Variants in FAT2 observed in about 807,000 individuals in gnomAD.
The protein encoded by FAT2 is protocadherin Fat 2.
In FAT2, 150 loss-of-function variants were observed where a neutral mutation model predicts 295.3. That is an observed-to-expected ratio of 0.51 (90% confidence interval 0.44 to 0.58). The LOEUF is 0.58. Among genes scored for constraint, FAT2 ranks in the 20% least tolerant of loss-of-function variants. The probability of loss-of-function intolerance (pLI) is 0.00; values close to 1 mark genes in which losing one functional copy is unlikely to be tolerated. For missense variants in FAT2, 4,868 were observed against 5,442.7 expected (o/e 0.89, Z 3.32); for synonymous variants, 2,026 against 2,150.3 (o/e 0.94, Z 1.60).
rs373411098 is a variant in FAT2, at chr5:151,533,393, A to AAAACACACACAC, written c.9427+1015_9427+1016insGTGTGTGTGTTT. ...TATTCCACTTGCACTTGTTATCTCC[A>AAAACACACACAC]ACACACACACACACACACACACACA... On this transcript the variant is annotated intron_variant, in intron 13 of 23. Transcript: ENST00000261800. Among the ~76,000 whole-genome samples the AAAACACACACAC allele has an allele frequency of 2.6e-3, 339 of 132,166 alleles. 2 individuals carry two copies. Among genetic ancestry groups the AAAACACACACAC allele is most frequent in the East Asian group, 0.015 (65 of 4,266 alleles). The allele number at this position is 132,166 out of a possible 152,430, so 86.7% of individuals were successfully genotyped here.
Position 151,566,030 on chromosome 5 carries a change from C to G in FAT2, c.2902G>C (p.Ala968Pro). 1 of 1,614,114 alleles carries G rather than the reference C, an allele frequency of 6.2e-7. No individual in the cohort carries two copies. Among genetic ancestry groups the G allele is most frequent in the Non-Finnish European group, 8.5e-7 (1 of 1,180,026 alleles). Reference sequence around the variant, plus strand: ...AGGTCCACCCGGAAGGTCCCATGGGCGCCATCCATCAGAACATATCGCACT... The same window carrying G: ...AGGTCCACCCGGAAGGTCCCATGGGGGCCATCCATCAGAACATATCGCACT... ...GEVRYVLMDG[A>P]HGTFRVDLMT... The change falls in exon 2 of 24, where the codon GCC becomes CCC. Residue 968 changes from alanine (A) to proline (P), a missense_variant. Ala to Pro is a conservative substitution (Grantham distance 27). Around this residue, in one of 5 missense-constraint regions of FAT2, gnomAD observed 3,297 missense variants for 3,669.4 expected, o/e 0.90. Transcript: ENST00000261800.
intron 4 of FAT2, 62 bp from the exon 5 acceptor site, chr5:151,554,735 A>ACCC: frequency 7.9e-7 from 1 of 1,264,130 alleles, no homozygotes; most frequent in African/African-American, 1.6e-5. Flanking sequence ...ACTATGCTTT[A>ACCC]ACAACCTGGA....
chr5:151,566,462 C>T lies in FAT2; in HGVS notation c.2470G>A (p.Gly824Arg). Residue 824 changes from glycine to arginine, a missense_variant, in exon 2 of 24, where the codon GGG becomes AGG. Transcript: ENST00000261800. ...NDNAPRFPPG[G>R]YQLTISEDTE... ...TCCTCCGAGATGGTTAACTGGTACC[C>T]ACCGGGAGGAAATCTGGGTGCGTTG... The T allele has an allele frequency of 6.2e-7, 1 of 1,613,398 alleles. No homozygotes were observed. Among genetic ancestry groups the T allele is most frequent in the Non-Finnish European group, 8.5e-7 (1 of 1,179,696 alleles).
In FAT2 at chr5:151,531,363, G is replaced by T. The variant is rs56108114; in HGVS notation, c.9811+224C>A. Among the ~76,000 whole-genome samples the T allele has an allele frequency of 0.14, 21,904 of 152,152 alleles. 2,044 individuals carry two copies. The highest frequency in any genetic ancestry group is 0.2 in the Non-Finnish European group (13,410 of 67,962). ...GTCCTGGACACAGAGACCTGGCTGC[G>T]GACGTGGGAGGGTCCCGTTTAAGGG... On this transcript the variant is annotated intron_variant, in intron 14 of 23. Transcript: ENST00000261800. This position sits in a 1 kb window ranked among gnomAD's most constrained non-coding sequence, Gnocchi z 5.7.
chr5:151,582,617 A>G (rs776672944), intron 1 of FAT2, among the ~76,000 whole-genome samples: 4 of 152,146 alleles, frequency 2.6e-5, no homozygotes, highest in Non-Finnish European at 5.9e-5. Context: ...ACTCTCTACC[A>G]TGCCCCCTTT....
At position 151,543,184 on chromosome 5, in the gene FAT2, C is replaced by T. The variant is rs1298021265; in HGVS notation, c.7943G>A (p.Ser2648Asn). 2 of 1,614,204 alleles carry T rather than the reference C, an allele frequency of 1.2e-6. No individual in the cohort carries two copies. The highest frequency in any genetic ancestry group is 1.3e-5 in the African/African-American group (1 of 75,056). The change falls in exon 10 of 24, where the codon AGC becomes AAC. Residue 2648 changes from serine to asparagine, a missense_variant. Coordinates refer to ENST00000261800, the MANE Select transcript of FAT2 (RefSeq NM_001447.3). ...GGTCTGATTTTCCAATCCCACCAGG[C>T]TGTCTTTCACCTTGACCACACCAGT... The part of the protein sequence containing the change: ...PVTGVVKVKD[S>N]LVGLENQTLD...
Position 151,567,478 on chromosome 5 carries a change from C to T in FAT2, c.1454G>A (p.Arg485Gln), listed in dbSNP as rs149389038. 2.2e-5 allele frequency: 35 copies of T among 1,614,068 alleles called. No homozygotes were observed. The highest frequency in any genetic ancestry group is 6.6e-5 in the South Asian group (6 of 91,048). The stretch of plus-strand genomic sequence containing the variant: ...GACATATCCATTTTCCCCATGATCC[C>T]GGTCAGTGGCAGTCACAGCCAAAAC... ...TSVLAVTATD[R>Q]DHGENGYVTY... Residue 485 changes from arginine to glutamine, a missense_variant, in exon 2 of 24, where the codon CGG becomes CAG. Physicochemically the swap from Arg to Gln is conservative, Grantham distance 43. This residue lies in a region of FAT2 where 3,297 missense variants were observed against 3,669.4 expected (regional missense o/e 0.90). Transcript: ENST00000261800.
intron 4 of FAT2, among the ~76,000 whole-genome samples, chr5:151,555,768 C>G (rs111307052): frequency 8.1e-4 from 124 of 152,280 alleles, no homozygotes; most frequent in Middle Eastern, 3.4e-3. Flanking sequence ...ATTCCCCCCT[C>G]CTGATACTTT....
At position 151,506,004 on chromosome 5, in the gene FAT2, G is replaced by A. The variant is rs775680918; in HGVS notation, c.12611C>T (p.Pro4204Leu). The A allele has an allele frequency of 4.1e-5, 64 of 1,575,884 alleles. No homozygotes were observed. In the Middle Eastern group the frequency reaches 8.5e-4, roughly 21 times the overall value. The change falls in exon 24 of 24, where the codon CCG becomes CTG. Residue 4204 changes from proline to leucine, a missense_variant. This residue lies in a region of FAT2 where 492 missense variants were observed against 482.6 expected (regional missense o/e 1.02). Coordinates refer to ENST00000261800, the MANE Select transcript of FAT2 (RefSeq NM_001447.3). ...GGTTGAGTGGCGGTGAGCCGAGGGC[G>A]GCAGAGGGCCCTGAGTCACTTCGGA... ...PHSEVTQGPL[P>L]PSAHRHSTPV...
At chr5:151,537,211 GGAAGAAGAA>G (rs746077350) in intron 12 of FAT2, among the ~76,000 whole-genome samples, 3 of 135,988 alleles carry the variant, frequency 2.2e-5, no homozygotes, top group South Asian at 5.4e-4. Context: ...AAGAAGAAGA[GGAAGAAGAA>G]GAGGAGGAGG....
At chr5:151,591,088 G>C (rs1454936044) in intron 1 of FAT2, among the ~76,000 whole-genome samples, 77 bp downstream of exon 1, 1 of 152,168 alleles carries the variant, frequency 6.6e-6, no homozygotes, top group African/African-American at 2.4e-5. Context: ...ACTCCAGCCT[G>C]CTTTGGAACC....
Position 151,565,723 on chromosome 5 carries a change from A to G in FAT2, c.3209T>C (p.Phe1070Ser). ...DSGLDGELQYFLRAGTGLAAF... is the reference protein window; with the variant it reads ...DSGLDGELQYSLRAGTGLAAF... Reference sequence around the variant, plus strand: ...TGCGAGTCCAGTGCCAGCACGCAGGAAGTACTGGAGCTCCCCATCCAAGCC... The same window carrying G: ...TGCGAGTCCAGTGCCAGCACGCAGGGAGTACTGGAGCTCCCCATCCAAGCC... The change falls in exon 2 of 24, where the codon TTC becomes TCC. Residue 1070 changes from phenylalanine (F) to serine (S), a missense_variant. Around this residue, in one of 5 missense-constraint regions of FAT2, gnomAD observed 3,297 missense variants for 3,669.4 expected, o/e 0.90. Transcript: ENST00000261800. 6.8e-7 allele frequency: 1 copy of G among 1,471,922 alleles called. No individual in the cohort carries two copies. The highest frequency in any genetic ancestry group is 9.2e-7 in the Non-Finnish European group (1 of 1,091,666). 91.2% of individuals were successfully genotyped at this position (1,471,922 alleles called of 1,614,324 possible). A position where few individuals can be genotyped will look rare whatever the true frequency, so the allele number is the denominator to read the frequency against.
intron 22 of FAT2, among the ~76,000 whole-genome samples, chr5:151,508,104 G>A (rs1231240844): frequency 6.6e-6 from 1 of 152,138 alleles, no homozygotes; most frequent in African/African-American, 2.4e-5. Flanking sequence ...GAAAGCATGC[G>A]AACTCTCAGG....
Position 151,553,985 on chromosome 5 carries a change from A to G in FAT2, c.3945+377T>C, listed in dbSNP as rs115550713. Reference sequence around the variant, plus strand: ...GCTACCTGATATATTGGCTTCTCACAAGAAAGACGTTCTTATCTCCATTTT... The same window carrying G: ...GCTACCTGATATATTGGCTTCTCACGAGAAAGACGTTCTTATCTCCATTTT... On this transcript the variant is annotated intron_variant, in intron 5 of 23. Transcript: ENST00000261800. 4.5e-3 allele frequency among the ~76,000 whole-genome samples: 688 copies of G among 152,320 alleles called. 4 individuals are homozygous for G. The highest frequency in any genetic ancestry group is 7.0e-3 in the Non-Finnish European group (477 of 68,026).
chr5:151,542,741 C>T lies in FAT2; in HGVS notation c.8386G>A (p.Val2796Ile). Reference protein sequence around the residue: ...QVGDVNDNRPVFEADPYKAVL... With the variant: ...QVGDVNDNRPIFEADPYKAVL... ...GCCTTATATGGATCAGCCTCAAATACAGGCCTATTGTCATTGACGTCTCCC... is the reference window on the plus strand; with the variant it reads ...GCCTTATATGGATCAGCCTCAAATATAGGCCTATTGTCATTGACGTCTCCC... The change falls in exon 10 of 24, where the codon GTA becomes ATA. Residue 2796 changes from valine to isoleucine, a missense_variant. Coordinates refer to ENST00000261800, the MANE Select transcript of FAT2 (RefSeq NM_001447.3). 1.2e-6 allele frequency: 2 copies of T among 1,614,252 alleles called. No individual in the cohort carries two copies. Among genetic ancestry groups the T allele is most frequent in the Non-Finnish European group, 1.7e-6 (2 of 1,180,046 alleles).
At chr5:151,575,414 G>C (rs4452546) in intron 1 of FAT2, among the ~76,000 whole-genome samples, 70,226 of 152,054 alleles carry the variant, frequency 0.46, 16,316 homozygotes, top group Middle Eastern at 0.5. Flanking sequence ...AGTTTCAAAT[G>C]CCAGCTCTCA....
chr5:151,512,479 A>G lies in FAT2; in HGVS notation c.11591T>C (p.Ile3864Thr), dbSNP rs780076709. Reference sequence around the variant, plus strand: ...GCCCATGCTGTCAACCATCAGGCGAATGGAAGCGTCCATCTCCTCCACCAG... The same window carrying G: ...GCCCATGCTGTCAACCATCAGGCGAGTGGAAGCGTCCATCTCCTCCACCAG... ...SILVEEMDAS[I>T]RLMVDSMGNT... is the part of the protein sequence containing the mutation. The change falls in exon 21 of 24, where the codon ATT (isoleucine) becomes ACT (threonine). Residue 3864 changes from isoleucine (I) to threonine (T), a missense_variant. Ile to Thr is a moderately conservative substitution (Grantham distance 89). Transcript: ENST00000261800. This position sits in a 1 kb window ranked among gnomAD's most constrained non-coding sequence, Gnocchi z 4.1. 3 of 1,614,194 alleles carry G rather than the reference A, an allele frequency of 1.9e-6. No individual in the cohort carries two copies. The highest frequency in any genetic ancestry group is 4.5e-5 in the East Asian group (2 of 44,890).
intron 1 of FAT2, among the ~76,000 whole-genome samples, chr5:151,584,679 C>G (rs540851149): frequency 6.6e-6 from 1 of 152,328 alleles, no homozygotes; most frequent in South Asian, 2.1e-4. Context: ...CCCACAAAGG[C>G]AGGTACTATC....
At position 151,550,615 on chromosome 5, in the gene FAT2, G is replaced by A. The variant is rs1214894202; in HGVS notation, c.4553C>T (p.Pro1518Leu). The A allele has an allele frequency of 6.2e-7, 1 of 1,614,012 alleles. No homozygotes were observed. The highest frequency in any genetic ancestry group is 1.7e-5 in the Admixed American group (1 of 60,002). ...TVGKLDLGSG[P>L]SQHTLTVMVR... ...CATGACTGTCAGTGTGTGCTGGGAG[G>A]GCCCCGAGCCGAGGTCCAATTTTCC... Residue 1518 changes from proline to leucine, a missense_variant, in exon 8 of 24, where the codon CCC (proline) becomes CTC (leucine). This residue lies in a region of FAT2 where 3,297 missense variants were observed against 3,669.4 expected (regional missense o/e 0.90). Transcript: ENST00000261800.
Sources: gnomAD v4.1 joint callset for allele counts (sites outside exome capture counted in the v4.1 genomes callset) on GRCh38, gnomAD v4.1.1 for gene constraint, gnomAD v4.1.1 regional missense constraint, Gnocchi (gnomAD v3.1) non-coding constraint, MANE v1.5 for transcripts, NCBI Gene and HGNC (gene_info 2026-07-23, HGNC 2026-07-21) for gene names.